NPIPB2: variants seen among roughly 807,000 people sequenced by gnomAD.
NPIPB2 encodes nuclear pore complex-interacting protein family member B2.
A neutral mutation model predicts 30.8 loss-of-function variants in NPIPB2; 27 were observed. The ratio of observed to expected loss-of-function variants is 0.88; its 90% CI spans 0.65 to 1.21. NPIPB2 has a LOEUF of 1.21. NPIPB2 is among the 50% of genes most tolerant of loss of function. The pLI is 0.00. For missense variants in NPIPB2, 440 were observed against 446.2 expected (o/e 0.99, Z 0.13); for synonymous variants, 147 against 162.0 (o/e 0.91, Z 0.70).
At position 11,951,619 on chromosome 16, in the gene NPIPB2, TACACATACAC is replaced by T. The variant is rs1364469423; in HGVS notation, c.-583-9515_-583-9506del. Reference sequence around the variant, plus strand: ...CACTGATACAGATGGACACTGCACATACACATACACACACACACACACACACACACACACA... The same window carrying T: ...CACTGATACAGATGGACACTGCACATACACACACACACACACACACACACA... On this transcript the variant is annotated intron_variant, in intron 1 of 5. Transcript: ENST00000538896. Among the ~76,000 whole-genome samples the T allele has an allele frequency of 8.9e-3, 1,032 of 115,894 alleles. 17 individuals are homozygous for T. The highest frequency in any genetic ancestry group is 0.031 in the African/African-American group (957 of 31,080). The allele number at this position is 115,894 out of a possible 152,430, so 76.0% of individuals were successfully genotyped here. A position where few individuals can be genotyped will look rare whatever the true frequency, so the allele number is the denominator to read the frequency against.
chr16:11,962,611 C>CAAAAAAAAAAAAAAAAAAA (rs765156261), intron 1 of NPIPB2, among the ~76,000 whole-genome samples: 1 of 34,638 alleles, frequency 2.9e-5, no homozygotes, highest in Non-Finnish European at 6.7e-5. Context: ...GATTCTGTCT[C>CAAAAAAAAAAAAAAAAAAA]AAAAAAAAAA....
upstream of NPIPB2, among the ~76,000 whole-genome samples, chr16:11,945,316 G>A (rs1042256042): frequency 6.6e-6 from 1 of 152,118 alleles, no homozygotes; most frequent in South Asian, 2.1e-4. Context: ...AGGAGTTCGA[G>A]GCTGCAGTGA....
At chr16:11,938,045 G>A (rs1261526032) in intron 1 of NPIPB2, among the ~76,000 whole-genome samples, 1 of 152,190 alleles carries the variant, frequency 6.6e-6, no homozygotes, top group Non-Finnish European at 1.5e-5. Flanking sequence ...ACAGAGTTCC[G>A]CTCCACTCAG....
At chr16:11,949,111 C>A (rs187614618) in intron 1 of NPIPB2, among the ~76,000 whole-genome samples, 1 of 151,904 alleles carries the variant, frequency 6.6e-6, no homozygotes, top group Non-Finnish European at 1.5e-5. Context: ...ATGCTGTGAT[C>A]GGGCCACTCT....
At chr16:11,969,456 C>T (rs1288700919) in intron 1 of NPIPB2, among the ~76,000 whole-genome samples, 1 of 151,278 alleles carries the variant, frequency 6.6e-6, no homozygotes, top group Non-Finnish European at 1.5e-5. Context: ...AGGGTTTCAC[C>T]ATCTTCGCCA....
intron 1 of NPIPB2, among the ~76,000 whole-genome samples, chr16:11,950,901 G>A (rs7189024): frequency 0.2 from 29,686 of 151,954 alleles, 5,549 homozygotes; most frequent in African/African-American, 0.48. Context: ...ATACAGAGAA[G>A]TAAGACATTG....
At chr16:11,975,910 A>G (rs1020315940) in intron 1 of NPIPB2, among the ~76,000 whole-genome samples, 35 of 151,560 alleles carry the variant, frequency 2.3e-4, no homozygotes, top group Non-Finnish European at 7.4e-5. Flanking sequence ...CCATATCTTA[A>G]AACCTAATTC....
chr16:11,951,887 C>T (rs1207790506), intron 1 of NPIPB2, among the ~76,000 whole-genome samples: 4 of 151,966 alleles, frequency 2.6e-5, no homozygotes, highest in Non-Finnish European at 5.9e-5. Flanking sequence ...AGGCTGGGCG[C>T]GGTGGCTCAC....
chr16:11,973,283 C>T (rs1398140501), intron 1 of NPIPB2, among the ~76,000 whole-genome samples: 1 of 151,934 alleles, frequency 6.6e-6, no homozygotes, highest in Non-Finnish European at 1.5e-5. Flanking sequence ...TTCAGGTTGC[C>T]TTTGGAGTGC....
At chr16:11,952,158 A>AAAAAC (rs2055072361) in intron 1 of NPIPB2, among the ~76,000 whole-genome samples, 1 of 107,676 alleles carries the variant, frequency 9.3e-6, no homozygotes, top group African/African-American at 3.5e-5. Context: ...GCCTCAAAAA[A>AAAAAC]AAAAACAAAA....
chr16:11,965,324 C>T (rs1354572736), intron 1 of NPIPB2: 1 of 1,613,906 alleles, frequency 6.2e-7, no homozygotes, highest in South Asian at 1.1e-5. Flanking sequence ...TTTTTGTGAT[C>T]ATGTTGCAGA....
rs1401559217 is a variant in NPIPB2 at position 11,940,635 on chromosome 16, T to C, written c.63+1348A>G. Reference sequence around the variant, plus strand: ...TAAAAATACAAAAATTAGCCAGGCGTTGTAATCTGAGCTATTCAGGAGGCT... The same window carrying C: ...TAAAAATACAAAAATTAGCCAGGCGCTGTAATCTGAGCTATTCAGGAGGCT... On this transcript the variant is annotated intron_variant, in intron 1 of 7. Coordinates refer to ENST00000399147, the Ensembl canonical transcript of NPIPB2. Among the ~76,000 whole-genome samples the C allele has an allele frequency of 2.1e-5, 3 of 144,290 alleles. No homozygotes were observed. The East Asian group carries it at 6.3e-4, about 30-fold the overall frequency. 94.7% of individuals were successfully genotyped at this position (144,290 alleles called of 152,430 possible).
At chr16:11,933,255 GAA>G (rs1337413488) in intron 4 of NPIPB2, among the ~76,000 whole-genome samples, 2 of 137,272 alleles carry the variant, frequency 1.5e-5, no homozygotes, top group Non-Finnish European at 3.2e-5. Context: ...TCCATCTCAG[GAA>G]AAAAAAAAAA....
chr16:11,950,991 A>C (rs141874706), intron 1 of NPIPB2, among the ~76,000 whole-genome samples: 2 of 152,062 alleles, frequency 1.3e-5, no homozygotes, highest in South Asian at 4.1e-4. Context: ...TGCATGTAAA[A>C]TATGTTTTAT....
chr16:11,968,114 A>G, intron 1 of NPIPB2: 1 of 351,744 alleles, frequency 2.8e-6, no homozygotes, highest in Non-Finnish European at 5.3e-6. Flanking sequence ...AAGCATGTAT[A>G]CCAGTGTGGG....
At chr16:11,966,359 T>A in intron 1 of NPIPB2, 1 of 1,601,664 alleles carries the variant, frequency 6.2e-7, no homozygotes, top group Non-Finnish European at 8.5e-7. Context: ...TGATGGTGAA[T>A]CTTTGAAATC....
intron 2 of NPIPB2, among the ~76,000 whole-genome samples, chr16:11,937,314 T>C (rs1263193935): frequency 6.6e-6 from 1 of 152,226 alleles, no homozygotes; most frequent in African/African-American, 2.4e-5. Flanking sequence ...AAACTTATTT[T>C]TGACCAAAAG....
chr16:11,964,867 A>T (rs1355272428), intron 1 of NPIPB2, among the ~76,000 whole-genome samples: 4 of 152,174 alleles, frequency 2.6e-5, no homozygotes, highest in Non-Finnish European at 5.9e-5. Context: ...GCTGGCCTCA[A>T]TGTTAAGATC....
At chr16:11,964,070 T>C (rs2055174578) in intron 1 of NPIPB2, 1 of 151,224 alleles carries the variant, frequency 6.6e-6, no homozygotes, top group Non-Finnish European at 1.5e-5. Context: ...GATCCATTTA[T>C]GTAAACAGAA....
Sources: allele counts gnomAD v4.1 joint callset (sites outside exome capture counted in the v4.1 genomes callset), GRCh38; gene constraint gnomAD v4.1.1; transcripts MANE v1.5; gene names NCBI Gene and HGNC (gene_info 2026-07-23, HGNC 2026-07-21).